PCDHA9: variants seen among roughly 807,000 people sequenced by gnomAD.
The protein encoded by PCDHA9 is protocadherin alpha 9.
In PCDHA9, 62 loss-of-function variants were observed where a neutral mutation model predicts 62.0. The ratio of observed to expected loss-of-function variants is 1.00; its 90% CI spans 0.81 to 1.23. The LOEUF is 1.23. Ranked by LOEUF, PCDHA9 falls within the 50% of genes most tolerant of loss-of-function variation. PCDHA9 has a pLI of 0.00. For missense variants in PCDHA9, 1,205 were observed against 1,249.8 expected (o/e 0.96, Z 0.54); for synonymous variants, 557 against 567.6 (o/e 0.98, Z 0.27).
At chr5:140,856,041 A>G in intron 1 of PCDHA9, 1 of 1,569,530 alleles carries the variant, frequency 6.4e-7, no homozygotes, top group Non-Finnish European at 8.7e-7. Flanking sequence ...AAACAAGAGA[A>G]GGATAAGATG....
chr5:140,884,150 A>G (rs782776110), intron 1 of PCDHA9: 14 of 1,613,346 alleles, frequency 8.7e-6, no homozygotes, highest in Non-Finnish European at 1.1e-5. Context: ...GGGGCTGTAC[A>G]CTGGCGAGAT....
intron 1 of PCDHA9, chr5:140,969,475 C>A: frequency 1.4e-6 from 2 of 1,476,386 alleles, no homozygotes; most frequent in South Asian, 1.4e-5. Context: ...ACAATTTGAT[C>A]ATAATCTGCT....
At chr5:140,862,371 T>C in intron 1 of PCDHA9, 1 of 341,736 alleles carries the variant, frequency 2.9e-6, no homozygotes, top group Non-Finnish European at 5.8e-6. Flanking sequence ...ACCCGCACCC[T>C]GACTCCTCAC....
Position 141,011,476 on chromosome 5 carries a change from A to G in PCDHA9, c.*1539A>G, listed in dbSNP as rs2098420741. On this transcript the variant is annotated 3_prime_UTR_variant, in exon 4 of 4. Coordinates refer to ENST00000532602, the MANE Select transcript of PCDHA9 (RefSeq NM_031857.2). ...CTTTATTGTTGAATGTAATTCCATT[A>G]TATTTCCTTTTGTACACCTGTGAAA... 1 of 153,776 alleles carries G rather than the reference A, an allele frequency of 6.5e-6. No homozygotes were observed. 9.5% of individuals were successfully genotyped at this position (153,776 alleles called of 1,614,324 possible). A position where few individuals can be genotyped will look rare whatever the true frequency, so the allele number is the denominator to read the frequency against.
intron 1 of PCDHA9, chr5:140,854,176 A>AAT: frequency 1.5e-6 from 1 of 663,712 alleles, no homozygotes; most frequent in Non-Finnish European, 1.9e-6. Flanking sequence ...AAAAAAAAAA[A>AAT]GAGTAGTTTA....
intron 1 of PCDHA9, chr5:140,868,473 C>T (rs1740794532): frequency 6.6e-6 from 1 of 152,126 alleles, no homozygotes; most frequent in Non-Finnish European, 1.5e-5. Flanking sequence ...TTTTATAAAA[C>T]TTCAATTTTT....
At chr5:140,977,356 TA>T (rs2096758024) in intron 1 of PCDHA9, among the ~76,000 whole-genome samples, 1 of 152,250 alleles carries the variant, frequency 6.6e-6, no homozygotes, top group South Asian at 2.1e-4. Flanking sequence ...GACTGATTGA[TA>T]AAAAGTATTT....
chr5:140,883,674 C>T (rs782029001), intron 1 of PCDHA9: 5 of 1,613,738 alleles, frequency 3.1e-6, no homozygotes, highest in African/African-American at 2.7e-5. Flanking sequence ...GAAAACAATC[C>T]GCCGGGCTGC....
chr5:140,877,408 C>A, intron 1 of PCDHA9: 1 of 1,613,924 alleles, frequency 6.2e-7, no homozygotes, highest in South Asian at 1.1e-5. Context: ...TCCGCGCCAC[C>A]GCCTGCTGGT....
rs1188351170 is a variant in PCDHA9, at chr5:140,929,610, T to C, written c.2395-49339T>C. 7.3e-6 allele frequency: 3 copies of C among 408,442 alleles called. No individual in the cohort carries two copies. The South Asian group carries it at 4.1e-4, about 55-fold the overall frequency. 25.3% of individuals were successfully genotyped at this position (408,442 alleles called of 1,614,324 possible). On this transcript the variant is annotated intron_variant, in intron 1 of 3. Transcript: ENST00000532602. ...TAAAGGTCTAAAATTAAAAATAAAA[T>C]ACCAAAATATTTTATAAGCAACAGA...
intron 1 of PCDHA9, chr5:140,883,464 C>G (rs1219426048): frequency 6.2e-7 from 1 of 1,614,044 alleles, no homozygotes; most frequent in African/African-American, 1.3e-5. Flanking sequence ...AAGCTGGTGT[C>G]CACCTACAAG....
chr5:140,980,427 C>T (rs551274468), intron 2 of PCDHA9, among the ~76,000 whole-genome samples: 2 of 152,198 alleles, frequency 1.3e-5, no homozygotes, highest in South Asian at 2.1e-4. Flanking sequence ...GTCAAGAGAT[C>T]GAGACCATCC....
At chr5:140,936,112 C>T (rs782017334) in intron 1 of PCDHA9, among the ~76,000 whole-genome samples, 2 of 152,008 alleles carry the variant, frequency 1.3e-5, no homozygotes, top group Non-Finnish European at 2.9e-5. Context: ...AGGCTGGTCT[C>T]GAACTCCTGA....
chr5:140,993,033 T>C (rs1315226376), intron 3 of PCDHA9, among the ~76,000 whole-genome samples: 2 of 152,158 alleles, frequency 1.3e-5, no homozygotes, highest in African/African-American at 4.8e-5. Context: ...GTGGGCTCCG[T>C]GTGTCATCAA....
chr5:140,856,253 A>T lies in PCDHA9; in HGVS notation c.2394+5364A>T, dbSNP rs545226629. On this transcript the variant is annotated intron_variant, in intron 1 of 3. Coordinates refer to ENST00000532602, the MANE Select transcript of PCDHA9 (RefSeq NM_031857.2). ...GCGCCTGTTCCGGGTGGCGTCCAAA[A>T]GACACGGGGACCTTCTGGAGGTAAA... The T allele has an allele frequency of 1.3e-6, 2 of 1,598,032 alleles. 1 individual carries two copies. The highest frequency in any genetic ancestry group is 2.7e-5 in the African/African-American group (2 of 74,378).
chr5:140,871,257 G>C (rs374337862), intron 1 of PCDHA9: 21 of 1,613,824 alleles, frequency 1.3e-5, no homozygotes, highest in East Asian at 2.2e-5. Context: ...TGCTGTATAC[G>C]GCGCTGTGGT....
intron 1 of PCDHA9, chr5:140,882,201 CT>C: frequency 6.5e-7 from 1 of 1,528,460 alleles, no homozygotes; most frequent in South Asian, 1.3e-5. Context: ...AAAATTGGGC[CT>C]TGAGAGACAG....
chr5:140,863,186 TG>T, intron 1 of PCDHA9: 1 of 771,164 alleles, frequency 1.3e-6, no homozygotes, highest in Non-Finnish European at 2.2e-6. Flanking sequence ...ACCGTCACCG[TG>T]GTGGCGTCGC....
chr5:140,931,409 A>G (rs1172534741), intron 1 of PCDHA9, among the ~76,000 whole-genome samples: 1 of 152,082 alleles, frequency 6.6e-6, no homozygotes, highest in African/African-American at 2.4e-5. Flanking sequence ...AGGAAGGCTG[A>G]TGAATCTAGA....
Sources: allele counts gnomAD v4.1 joint callset (sites outside exome capture counted in the v4.1 genomes callset), GRCh38; gene constraint gnomAD v4.1.1; transcripts MANE v1.5; gene names NCBI Gene and HGNC (gene_info 2026-07-23, HGNC 2026-07-21).